UGT1A10: variants seen among roughly 807,000 people sequenced by gnomAD.
UGT1A10 encodes the protein UDP glucuronosyltransferase family 1 member A10.
In UGT1A10, 49 loss-of-function variants were observed where a neutral mutation model predicts 45.8. The ratio of observed to expected loss-of-function variants is 1.07; its 90% CI spans 0.85 to 1.36. The LOEUF (loss-of-function observed/expected upper bound fraction) is 1.36. UGT1A10 is among the 40% of genes most tolerant of loss of function. The probability of loss-of-function intolerance (pLI) is 0.00; values close to 1 mark genes in which losing one functional copy is unlikely to be tolerated. For synonymous variants in UGT1A10, 284 were observed against 249.7 expected (o/e 1.14, Z -1.29); for missense variants, 745 against 668.6 (o/e 1.11, Z -1.26).
Position 233,767,174 on chromosome 2 carries a change from A to G in UGT1A10, c.987+9A>G. 1.2e-6 allele frequency: 2 copies of G among 1,614,054 alleles called. No homozygotes were observed. Among genetic ancestry groups the G allele is most frequent in the Non-Finnish European group, 1.7e-6 (2 of 1,180,004 alleles). ...GCAAAATCCCTCAGACAGTAAGAAG[A>G]TTCTATACCATGGCCTCATATCTAT... is the stretch of plus-strand genomic sequence containing the variant. On this transcript the variant is annotated intron_variant, in intron 2 of 4. Transcript: ENST00000344644.
At chr2:233,687,721 A>ACG (rs781036903) in intron 1 of UGT1A10, among the ~76,000 whole-genome samples, 5 of 152,046 alleles carry the variant, frequency 3.3e-5, no homozygotes, top group Non-Finnish European at 5.9e-5. Context: ...TGGACAACAT[A>ACG]GGGAGACACT....
rs542881943 is a variant in UGT1A10, at chr2:233,729,093, G to A, written c.856-37941G>A. 7.1e-5 allele frequency: 115 copies of A among 1,612,640 alleles called. 3 individuals carry two copies. In the South Asian group the frequency reaches 1.2e-3, roughly 17 times the overall value. ...AGCAAATGTAGCAGGCACAGCGTGGGGTGGACAGTCAGCTGTCCGTGTCTT... is the reference window on the plus strand; with the variant it reads ...AGCAAATGTAGCAGGCACAGCGTGGAGTGGACAGTCAGCTGTCCGTGTCTT... On this transcript the variant is annotated intron_variant, in intron 1 of 4. Transcript: ENST00000344644.
intron 1 of UGT1A10, among the ~76,000 whole-genome samples, chr2:233,673,008 A>T (rs2741047): frequency 0.62 from 93,634 of 152,056 alleles, 29,094 homozygotes; most frequent in South Asian, 0.65. Context: ...AAATTGTGGA[A>T]CATATTCAGC....
intron 1 of UGT1A10, among the ~76,000 whole-genome samples, chr2:233,686,935 T>G (rs2074813266): frequency 6.6e-6 from 1 of 152,204 alleles, no homozygotes; most frequent in Non-Finnish European, 1.5e-5. Flanking sequence ...GGCTGACTCA[T>G]GCAGGGAAGC....
Position 233,730,884 on chromosome 2 carries a change from T to A in UGT1A10, c.856-36150T>A, listed in dbSNP as rs1262820640. Among the ~76,000 whole-genome samples, 3 of 152,194 alleles carry A rather than the reference T, an allele frequency of 2.0e-5. No individual in the cohort carries two copies. In the South Asian group the frequency reaches 6.2e-4, roughly 32 times the overall value. On this transcript the variant is annotated intron_variant, in intron 1 of 4. Coordinates refer to ENST00000344644, the MANE Select transcript of UGT1A10 (RefSeq NM_019075.4). ...CCTACTGCACTCCAGGTTTCTATAG[T>A]GGGATCTACTCCTTTACCAAAAATT...
At chr2:233,764,983 T>A (rs1575807741) in intron 1 of UGT1A10, among the ~76,000 whole-genome samples, 1 of 152,200 alleles carries the variant, frequency 6.6e-6, no homozygotes, top group East Asian at 1.9e-4. Flanking sequence ...GGTCAGTGTC[T>A]GGGGCTTTCC....
chr2:233,726,069 G>A (rs1424606442), intron 1 of UGT1A10, among the ~76,000 whole-genome samples: 2 of 152,174 alleles, frequency 1.3e-5, no homozygotes, highest in African/African-American at 4.8e-5. Context: ...AGGAGGCTGA[G>A]GCAGGAGGAT....
intron 1 of UGT1A10, among the ~76,000 whole-genome samples, chr2:233,734,585 A>G (rs1334930397): frequency 1.3e-5 from 2 of 151,422 alleles, no homozygotes; most frequent in African/African-American, 4.9e-5. Context: ...TTGCTTATCT[A>G]GTTCTTTTAT....
chr2:233,705,514 T>C (rs2075854152), intron 1 of UGT1A10, among the ~76,000 whole-genome samples: 3 of 152,040 alleles, frequency 2.0e-5, no homozygotes, highest in African/African-American at 4.8e-5. Context: ...AGAATCAGGG[T>C]GGGGAGATTA....
rs376887521 is a variant in UGT1A10, at chr2:233,757,535, A to AATATATATACATATACAT, written c.856-9490_856-9489insCATATACATATATATATA. On this transcript the variant is annotated intron_variant, in intron 1 of 4. Transcript: ENST00000344644. ...CAAAGCCAAAATCTTGCCTGTAAGG[A>AATATATATACATATACAT]ATATATATATATATATATATATATA... 8.8e-4 allele frequency among the ~76,000 whole-genome samples: 78 copies of AATATATATACATATACAT among 88,252 alleles called. 1 individual carries two copies. The highest frequency in any genetic ancestry group is 1.7e-3 in the African/African-American group (33 of 19,924). 57.9% of individuals were successfully genotyped at this position (88,252 alleles called of 152,430 possible). A position where few individuals can be genotyped will look rare whatever the true frequency, so the allele number is the denominator to read the frequency against.
At chr2:233,717,803 A>G (rs1343545824) in intron 1 of UGT1A10, 2 of 456,012 alleles carry the variant, frequency 4.4e-6, no homozygotes, top group South Asian at 3.1e-5. Flanking sequence ...TAGTGCCCCC[A>G]CAAATTATGC....
rs771555737 is a variant in UGT1A10, at chr2:233,682,301, T to C, written c.855+44924T>C. 44 of 1,614,092 alleles carry C rather than the reference T, an allele frequency of 2.7e-5. No individual in the cohort carries two copies. The highest frequency in any genetic ancestry group is 3.6e-5 in the Non-Finnish European group (42 of 1,180,036). ...CAATGGTATTTTTGACTTATTTTTT[T>C]CAAATTGCAGGAGTTTGTTTAATGA... On this transcript the variant is annotated intron_variant, in intron 1 of 4. Coordinates refer to ENST00000344644, the MANE Select transcript of UGT1A10 (RefSeq NM_019075.4).
chr2:233,677,372 G>A (rs756842376), intron 1 of UGT1A10, among the ~76,000 whole-genome samples: 1 of 152,074 alleles, frequency 6.6e-6, no homozygotes, highest in Non-Finnish European at 1.5e-5. Flanking sequence ...GGACCAACCC[G>A]TGTGTAGTAG....
At chr2:233,740,833 TA>T (rs1691486291) in intron 1 of UGT1A10, 1 of 151,930 alleles carries the variant, frequency 6.6e-6, no homozygotes. Context: ...TGAGACATTT[TA>T]AAAGGAGATT....
intron 1 of UGT1A10, among the ~76,000 whole-genome samples, chr2:233,703,700 T>A (rs1405224643): frequency 6.6e-6 from 1 of 152,198 alleles, no homozygotes; most frequent in Admixed American, 6.5e-5. Flanking sequence ...CATTTAACTT[T>A]GTAAAATTTA....
chr2:233,708,356 T>TA (rs1456398377), intron 1 of UGT1A10: 1 of 152,248 alleles, frequency 6.6e-6, no homozygotes, highest in Non-Finnish European at 1.5e-5. Context: ...TTTCCCTTAT[T>TA]AATTCTTCAT....
intron 1 of UGT1A10, among the ~76,000 whole-genome samples, chr2:233,670,047 T>G (rs6731242): frequency 0.18 from 28,011 of 152,170 alleles, 2,738 homozygotes; most frequent in African/African-American, 0.24. Context: ...ACTAGAAGCC[T>G]TACCAATAAC....
intron 1 of UGT1A10, chr2:233,722,130 G>A (rs1389703029): frequency 1.7e-5 from 3 of 173,394 alleles, no homozygotes; most frequent in African/African-American, 7.1e-5. Context: ...CATTAGTAGA[G>A]TTTAAGACTC....
chr2:233,769,591 A>G lies in UGT1A10; in HGVS notation c.1295+1152A>G. ...CTGGAGCATGTTCAGATGAGAGGAGACGGAACACGGGGACACACCAGCTTG... is the reference window on the plus strand; with the variant it reads ...CTGGAGCATGTTCAGATGAGAGGAGGCGGAACACGGGGACACACCAGCTTG... On this transcript the variant is annotated intron_variant, in intron 4 of 4. Transcript: ENST00000344644. The surrounding 1 kb of genome is among the most constrained non-coding windows in gnomAD (Gnocchi z 4.4). The G allele has an allele frequency of 6.2e-7, 1 of 1,612,772 alleles. No individual in the cohort carries two copies. The highest frequency in any genetic ancestry group is 8.5e-7 in the Non-Finnish European group (1 of 1,179,866).
Sources: gnomAD v4.1 joint callset for allele counts (sites outside exome capture counted in the v4.1 genomes callset) on GRCh38, gnomAD v4.1.1 for gene constraint, Gnocchi (gnomAD v3.1) non-coding constraint, MANE v1.5 for transcripts, NCBI Gene and HGNC (gene_info 2026-07-23, HGNC 2026-07-21) for gene names.